The following MLLT1 variants were observed in gnomAD, a reference collection of about 807,000 sequenced individuals.
The protein encoded by MLLT1 is protein ENL.
Under a neutral mutation model 55.1 loss-of-function variants are expected in MLLT1, and 11 were observed. The ratio of observed to expected loss-of-function variants is 0.20; its 90% CI spans 0.13 to 0.33. The LOEUF is 0.33. MLLT1 is among the 10% of genes least tolerant of loss of function. The pLI, the probability that MLLT1 is intolerant of heterozygous loss-of-function variation, is 1.00. For missense variants in MLLT1, 536 were observed against 760.6 expected (o/e 0.70, Z 3.47); for synonymous variants, 323 against 320.1 (o/e 1.01, Z -0.10).
Position 6,231,508 on chromosome 19 carries a change from G to A in MLLT1, c.277-795C>T, listed in dbSNP as rs776922858. Reference sequence around the variant, plus strand: ...GTGTTTCTGTGAACCTTGAAATTTCGAAGCAAGACATTTTTTTTTTTGAGA... The same window carrying A: ...GTGTTTCTGTGAACCTTGAAATTTCAAAGCAAGACATTTTTTTTTTTGAGA... On this transcript the variant is annotated intron_variant, in intron 3 of 11. Transcript: ENST00000252674. The surrounding 1 kb of genome is among the most constrained non-coding windows in gnomAD (Gnocchi z 5.1). Among the ~76,000 whole-genome samples the A allele has an allele frequency of 4.6e-5, 7 of 152,004 alleles. No homozygotes were observed. In the East Asian group the frequency reaches 5.8e-4, roughly 13 times the overall value.
At chr19:6,218,907 G>A (rs1415782492) in intron 6 of MLLT1, among the ~76,000 whole-genome samples, 5 of 152,172 alleles carry the variant, frequency 3.3e-5, no homozygotes, top group Non-Finnish European at 5.9e-5. Context: ...TTGGGGGCCC[G>A]TCTGGTGGAA....
At position 6,227,372 on chromosome 19, in the gene MLLT1, G is replaced by A. The variant is rs761666334; in HGVS notation, c.421-270C>T. Reference sequence around the variant, plus strand: ...CGCGGCCTTCCGGGAACAGTGGACCGGAGGGCTGGCCCAAGAAGACTTGCG... The same window carrying A: ...CGCGGCCTTCCGGGAACAGTGGACCAGAGGGCTGGCCCAAGAAGACTTGCG... On this transcript the variant is annotated intron_variant, in intron 4 of 11. Coordinates refer to ENST00000252674, the MANE Select transcript of MLLT1 (RefSeq NM_005934.4). This position sits in a 1 kb window ranked among gnomAD's most constrained non-coding sequence, Gnocchi z 5.1. 8.5e-5 allele frequency among the ~76,000 whole-genome samples: 13 copies of A among 152,212 alleles called. No homozygotes were observed. The highest frequency in any genetic ancestry group is 8.3e-4 in the South Asian group (4 of 4,834).
chr19:6,212,201 T>A lies in MLLT1; in HGVS notation c.*841A>T, dbSNP rs567117201. On this transcript the variant is annotated 3_prime_UTR_variant, in exon 12 of 12. Transcript: ENST00000252674. The stretch of plus-strand genomic sequence containing the variant: ...GTCTGAGTAGAGCCCGAGAGCAGAC[T>A]GGTGGCTCCCGGGCGCCCTGAGGAC... 3.4e-5 allele frequency: 36 copies of A among 1,066,138 alleles called. No individual in the cohort carries two copies. The East Asian group carries it at 1.6e-3, about 48-fold the overall frequency. 66.0% of individuals were successfully genotyped at this position (1,066,138 alleles called of 1,614,324 possible).
At chr19:6,268,667 G>C (rs919049282) in intron 2 of MLLT1, among the ~76,000 whole-genome samples, 1 of 152,096 alleles carries the variant, frequency 6.6e-6, no homozygotes, top group Non-Finnish European at 1.5e-5. Flanking sequence ...TTTACTTTCT[G>C]ATACATTTGA....
intron 3 of MLLT1, among the ~76,000 whole-genome samples, chr19:6,244,993 A>C (rs2091153529): frequency 6.6e-6 from 1 of 151,928 alleles, no homozygotes; most frequent in African/African-American, 2.4e-5. Flanking sequence ...GCTGGGGGGG[A>C]ATGTAAAATG....
rs2091386818 is a variant in MLLT1, at chr19:6,270,504, G to A, written c.193+75C>T. ...GGGGTCCTGCTGCTCCTGAGGGAGG[G>A]GTGGAGCCTGGCCTTGGGAGGAGTG... is the stretch of plus-strand genomic sequence containing the variant. On this transcript the variant is annotated intron_variant, in intron 2 of 11. Coordinates refer to ENST00000252674, the MANE Select transcript of MLLT1 (RefSeq NM_005934.4). The surrounding 1 kb of genome is among the most constrained non-coding windows in gnomAD (Gnocchi z 7.1). 6.8e-7 allele frequency: 1 copy of A among 1,469,826 alleles called. No individual in the cohort carries two copies. Among genetic ancestry groups the A allele is most frequent in the Admixed American group, 2.0e-5 (1 of 51,116 alleles). The allele number at this position is 1,469,826 out of a possible 1,614,324, so 91.0% of individuals were successfully genotyped here. A position where few individuals can be genotyped will look rare whatever the true frequency, so the allele number is the denominator to read the frequency against.
In MLLT1 at chr19:6,231,050, C is replaced by T. The variant is rs1021915191; in HGVS notation, c.277-337G>A. 5.9e-5 allele frequency among the ~76,000 whole-genome samples: 9 copies of T among 152,320 alleles called. No homozygotes were observed. Among genetic ancestry groups the T allele is most frequent in the African/African-American group, 1.7e-4 (7 of 41,576 alleles). ...ACCGACGCACAGACACCAACTAACA[C>T]GTGGCAGCACTGAGACCTGCCCCAG... On this transcript the variant is annotated intron_variant, in intron 3 of 11. Coordinates refer to ENST00000252674, the MANE Select transcript of MLLT1 (RefSeq NM_005934.4). The surrounding 1 kb of genome is among the most constrained non-coding windows in gnomAD (Gnocchi z 5.1).
At chr19:6,245,825 G>A in intron 3 of MLLT1, among the ~76,000 whole-genome samples, 1 of 152,244 alleles carries the variant, frequency 6.6e-6, no homozygotes, top group Non-Finnish European at 1.5e-5. Flanking sequence ...CTTAAGTCCA[G>A]GAGACAGAGC....
At position 6,229,187 on chromosome 19, in the gene MLLT1, G is replaced by GTTT. The variant is rs1294354572; in HGVS notation, c.420+1382_420+1383insAAA. On this transcript the variant is annotated intron_variant, in intron 4 of 11. Transcript: ENST00000252674. The surrounding 1 kb of genome is among the most constrained non-coding windows in gnomAD (Gnocchi z 5.2). ...TGAAAACACCTGGCCATGAAAGAAG[G>GTTT]TGGAAAAGCGGAGCCAGGAGGGCGC... is the stretch of plus-strand genomic sequence containing the variant. Among the ~76,000 whole-genome samples the GTTT allele has an allele frequency of 5.9e-5, 9 of 151,942 alleles. No individual in the cohort carries two copies. The highest frequency in any genetic ancestry group is 1.2e-4 in the Non-Finnish European group (8 of 67,972).
intron 5 of MLLT1, among the ~76,000 whole-genome samples, chr19:6,223,650 T>C (rs1435418945): frequency 1.3e-5 from 2 of 152,150 alleles, no homozygotes; most frequent in Non-Finnish European, 2.9e-5. Context: ...GCCAGCACCA[T>C]GGCTGAGTTG....
chr19:6,218,731 G>A (rs2090869069), intron 6 of MLLT1, among the ~76,000 whole-genome samples: 1 of 152,244 alleles, frequency 6.6e-6, no homozygotes, highest in South Asian at 2.1e-4. Context: ...ACAGTGCAGG[G>A]CAGGCGTGTA....
intron 3 of MLLT1, among the ~76,000 whole-genome samples, chr19:6,252,419 GTATC>G (rs775487082): frequency 7.9e-5 from 12 of 152,168 alleles, no homozygotes; most frequent in Non-Finnish European, 2.9e-5. Context: ...TCGTATCTGG[GTATC>G]TATCTATCTG....
intron 1 of MLLT1, among the ~76,000 whole-genome samples, chr19:6,274,803 C>T (rs971575206): frequency 1.3e-5 from 2 of 152,170 alleles, no homozygotes; most frequent in Non-Finnish European, 1.5e-5. Flanking sequence ...AGACAGCGGA[C>T]GGAGGGATGG....
intron 1 of MLLT1, among the ~76,000 whole-genome samples, chr19:6,274,183 AG>A (rs955572443): frequency 4.6e-5 from 7 of 152,150 alleles, no homozygotes; most frequent in Admixed American, 1.3e-4. Context: ...TGGAGCGCTG[AG>A]GGGGGCACTC....
intron 8 of MLLT1, among the ~76,000 whole-genome samples, chr19:6,214,605 G>A (rs1470255360): frequency 3.9e-5 from 6 of 152,176 alleles, no homozygotes; most frequent in African/African-American, 1.4e-4. Context: ...CTGGGGGGCA[G>A]GTCTTTGACC....
chr19:6,237,637 CG>C (rs2091075188), intron 3 of MLLT1, among the ~76,000 whole-genome samples: 1 of 150,284 alleles, frequency 6.7e-6, no homozygotes, highest in South Asian at 2.1e-4. Context: ...GGCGTGGTGG[CG>C]GACGCCTGTA....
At chr19:6,251,523 T>G (rs73556000) in intron 3 of MLLT1, among the ~76,000 whole-genome samples, 4,311 of 152,196 alleles carry the variant, frequency 0.028, 215 homozygotes, top group African/African-American at 0.095. Flanking sequence ...CATCCACATA[T>G]GTGCTACAAA....
rs2090758215 is a variant in MLLT1 at position 6,210,670 on chromosome 19, T to G, written c.*2372A>C. 4.4e-6 allele frequency: 1 copy of G among 228,766 alleles called. No individual in the cohort carries two copies. Among genetic ancestry groups the G allele is most frequent in the Non-Finnish European group, 8.7e-6 (1 of 115,312 alleles). 14.2% of individuals were successfully genotyped at this position (228,766 alleles called of 1,614,324 possible). A position where few individuals can be genotyped will look rare whatever the true frequency, so the allele number is the denominator to read the frequency against. ...TCAGGAGAGAGCAAAACACAGAGAT[T>G]TGCACTGGGGGCAGGCGGCTTAACA... On this transcript the variant is annotated 3_prime_UTR_variant, in exon 12 of 12. Coordinates refer to ENST00000252674, the MANE Select transcript of MLLT1 (RefSeq NM_005934.4). The surrounding 1 kb of genome is among the most constrained non-coding windows in gnomAD (Gnocchi z 4.6).
intron 3 of MLLT1, among the ~76,000 whole-genome samples, chr19:6,258,626 T>C (rs1433820963): frequency 2.0e-5 from 3 of 152,362 alleles, no homozygotes; most frequent in East Asian, 3.9e-4. Flanking sequence ...TACGTTCTAA[T>C]GCCTAACACT....
Sources: gnomAD v4.1 joint callset for allele counts (sites outside exome capture counted in the v4.1 genomes callset) on GRCh38, gnomAD v4.1.1 for gene constraint, Gnocchi (gnomAD v3.1) non-coding constraint, MANE v1.5 for transcripts, NCBI Gene and HGNC (gene_info 2026-07-23, HGNC 2026-07-21) for gene names.